The following TRAF3 variants were observed in gnomAD, a reference collection of about 807,000 sequenced individuals.
The protein encoded by TRAF3 is TNF receptor associated factor 3.
A neutral mutation model predicts 62.3 loss-of-function variants in TRAF3; 13 were observed. The observed-to-expected ratio is 0.21, with a 90% CI of 0.14 to 0.33. The LOEUF is 0.33. Among genes scored for constraint, TRAF3 ranks in the 10% least tolerant of loss-of-function variants. TRAF3 has a pLI of 1.00. For missense variants in TRAF3, 440 were observed against 741.8 expected (o/e 0.59, Z 4.73); for synonymous variants, 269 against 283.4 (o/e 0.95, Z 0.51).
chr14:102,816,617 C>T (rs1899540035), intron 1 of TRAF3, among the ~76,000 whole-genome samples: 1 of 152,072 alleles, frequency 6.6e-6, no homozygotes, highest in Admixed American at 6.5e-5. Context: ...TTGTGATTCT[C>T]GTATTTCTGT....
chr14:102,812,408 C>G (rs1899242526), intron 1 of TRAF3, among the ~76,000 whole-genome samples: 1 of 152,096 alleles, frequency 6.6e-6, no homozygotes, highest in Non-Finnish European at 1.5e-5. Flanking sequence ...TGTTGGACAC[C>G]TAGATTGATT....
rs973375052 is a variant in TRAF3, at chr14:102,796,317, CG to C, written c.-157+18643del. 1.8e-4 allele frequency among the ~76,000 whole-genome samples: 28 copies of C among 152,378 alleles called. 1 individual carries two copies. The highest frequency in any genetic ancestry group is 1.4e-3 in the Admixed American group (22 of 15,308). On this transcript the variant is annotated intron_variant, in intron 1 of 11. Transcript: ENST00000392745. ...GCCCGAGGGAGGGCATGGAGGCTCC[CG>C]CCTGGCCTCATACCTCGCCCTTTGC...
At chr14:102,811,550 G>GTTTTTTTTTTTTTTTT (rs35064640) in intron 1 of TRAF3, among the ~76,000 whole-genome samples, 2 of 79,488 alleles carry the variant, frequency 2.5e-5, no homozygotes, top group Non-Finnish European at 2.3e-5. Flanking sequence ...GCTGTAGGCG[G>GTTTTTTTTTTTTTTTT]TTTTTTTTTT....
At chr14:102,782,936 G>T (rs988644574) in intron 1 of TRAF3, among the ~76,000 whole-genome samples, 1 of 152,212 alleles carries the variant, frequency 6.6e-6, no homozygotes, top group African/African-American at 2.4e-5. Context: ...GGCAACAGTA[G>T]CATCAAAGTG....
intron 5 of TRAF3, 132 bp downstream of exon 5, chr14:102,875,860 A>G: frequency 1.3e-6 from 1 of 779,238 alleles, no homozygotes; most frequent in Non-Finnish European, 2.2e-6. Context: ...ACACAGCCAA[A>G]TAGGAAAGCA....
chr14:102,881,236 T>C (rs1889038807), intron 6 of TRAF3, among the ~76,000 whole-genome samples: 1 of 151,218 alleles, frequency 6.6e-6, no homozygotes, highest in South Asian at 2.1e-4. Flanking sequence ...ATACAAAAAT[T>C]AGCTGGGCAT....
chr14:102,801,076 G>C (rs1222435890), intron 1 of TRAF3, among the ~76,000 whole-genome samples: 1 of 152,218 alleles, frequency 6.6e-6, no homozygotes, highest in Non-Finnish European at 1.5e-5. Context: ...TGAGGCAGGA[G>C]AATGGCGTAA....
chr14:102,802,467 C>A (rs1898503178), intron 1 of TRAF3, among the ~76,000 whole-genome samples: 1 of 145,238 alleles, frequency 6.9e-6, no homozygotes, highest in African/African-American at 2.5e-5. Context: ...TGTTTAAAGA[C>A]ATTTCAAGCC....
At chr14:102,823,374 A>C (rs1900099213) in intron 1 of TRAF3, among the ~76,000 whole-genome samples, 1 of 152,140 alleles carries the variant, frequency 6.6e-6, no homozygotes, top group Non-Finnish European at 1.5e-5. Context: ...CTTGGGGGAG[A>C]GTGTTGATAA....
intron 10 of TRAF3, among the ~76,000 whole-genome samples, chr14:102,901,565 T>C (rs947942501): frequency 6.6e-6 from 1 of 152,182 alleles, no homozygotes; most frequent in African/African-American, 2.4e-5. Context: ...GTGAGCTAAT[T>C]AAATATCCTT....
chr14:102,877,483 T>TC (rs1888762381), intron 6 of TRAF3, among the ~76,000 whole-genome samples: 1 of 147,410 alleles, frequency 6.8e-6, no homozygotes, highest in Non-Finnish European at 1.5e-5. Flanking sequence ...CCACAGGCCT[T>TC]CCGCTCAACT....
chr14:102,811,988 C>A lies in TRAF3; in HGVS notation c.-156-18346C>A, dbSNP rs149044660. ...GTGTTGCTAAGGCTGGTCTCAAACT[C>A]CTGGCCTCAAGTGGTCTTCCTGCTT... On this transcript the variant is annotated intron_variant, in intron 1 of 11. Transcript: ENST00000392745. 4.9e-3 allele frequency among the ~76,000 whole-genome samples: 596 copies of A among 122,116 alleles called. 5 individuals carry two copies. The highest frequency in any genetic ancestry group is 0.017 in the African/African-American group (561 of 33,096). The allele number at this position is 122,116 out of a possible 152,430, so 80.1% of individuals were successfully genotyped here.
chr14:102,877,249 A>G (rs1275832676), intron 6 of TRAF3, among the ~76,000 whole-genome samples: 2 of 137,706 alleles, frequency 1.5e-5, no homozygotes, highest in African/African-American at 2.9e-5. Flanking sequence ...ACTCATAGAT[A>G]ATCCATTCCA....
intron 6 of TRAF3, among the ~76,000 whole-genome samples, chr14:102,879,212 AG>A (rs1380749727): frequency 4.6e-5 from 7 of 152,196 alleles, no homozygotes; most frequent in African/African-American, 1.7e-4. Flanking sequence ...GACTGAAGGG[AG>A]GCACCAGGGC....
rs866746100 is a variant in TRAF3 at position 102,869,822 on chromosome 14, A to T, written c.-17-363A>T. ...CTCCGTCTAAAAAAAAAAAAAAAAA[A>T]TTTTTGGAGACAGGGCCTCGCTCTG... On this transcript the variant is annotated intron_variant, in intron 2 of 11. Transcript: ENST00000392745. 5.9e-3 allele frequency among the ~76,000 whole-genome samples: 892 copies of T among 150,312 alleles called. 9 individuals carry two copies. The highest frequency in any genetic ancestry group is 0.01 in the Admixed American group (155 of 15,150).
intron 1 of TRAF3, among the ~76,000 whole-genome samples, chr14:102,781,090 G>T (rs1236951050): frequency 6.6e-6 from 1 of 152,238 alleles, no homozygotes; most frequent in African/African-American, 2.4e-5. Flanking sequence ...ATAAGGGAAA[G>T]AGAAAGTCTT....
intron 2 of TRAF3, among the ~76,000 whole-genome samples, chr14:102,854,811 T>C (rs1412955422): frequency 6.6e-6 from 1 of 152,052 alleles, no homozygotes; most frequent in Non-Finnish European, 1.5e-5. Context: ...GTTTTTTTTT[T>C]TTTTTTTTTA....
intron 4 of TRAF3, 138 bp downstream of exon 4, chr14:102,872,106 C>A: frequency 1.1e-6 from 1 of 871,962 alleles, no homozygotes; most frequent in South Asian, 1.4e-5. Context: ...CCAGGCAGGA[C>A]ACTGTGCCAT....
chr14:102,825,970 C>G (rs1021996458), intron 1 of TRAF3, among the ~76,000 whole-genome samples: 1 of 152,218 alleles, frequency 6.6e-6, no homozygotes, highest in Non-Finnish European at 1.5e-5. Flanking sequence ...GGAATTTACG[C>G]GGAGGCATGT....
Sources: gnomAD v4.1 joint callset for allele counts (sites outside exome capture counted in the v4.1 genomes callset) on GRCh38, gnomAD v4.1.1 for gene constraint, MANE v1.5 for transcripts, NCBI Gene and HGNC (gene_info 2026-07-23, HGNC 2026-07-21) for gene names.